DOCK1: variants seen among roughly 807,000 people sequenced by gnomAD.
DOCK1 encodes the protein dedicator of cytokinesis 1.
Under a neutral mutation model 262.7 loss-of-function variants are expected in DOCK1, and 138 were observed. The observed-to-expected ratio is 0.53, with a 90% CI of 0.46 to 0.61. The LOEUF (loss-of-function observed/expected upper bound fraction) is 0.61. Among genes scored for constraint, DOCK1 ranks in the 20% least tolerant of loss-of-function variants. The pLI is 0.00. For missense variants in DOCK1, 1,908 were observed against 2,370.7 expected, an observed-to-expected ratio of 0.80 and a Z score of 4.05; for synonymous variants, 866 against 867.4, an observed-to-expected ratio of 1.00 and a Z score of 0.03.
chr10:127,052,945 A>G, intron 22 of DOCK1, 130 bp downstream of exon 22: 1 of 1,377,404 alleles, frequency 7.3e-7, no homozygotes, highest in Non-Finnish European at 9.7e-7. Context: ...CTTGCTTTCT[A>G]GGCTGAGAGA....
rs2062532568 is a variant in DOCK1 at position 127,321,612 on chromosome 10, G to T, written c.3045-17394G>T. On this transcript the variant is annotated intron_variant, in intron 29 of 51. Transcript: ENST00000623213. ...CACAGGTCCCTCCTATCCCCAAGGA[G>T]GTGCTCTGAACCCACTCCCCATGGC... is the stretch of plus-strand genomic sequence containing the variant. Among the ~76,000 whole-genome samples, 4 of 151,772 alleles carry T rather than the reference G, an allele frequency of 2.6e-5. 1 individual carries two copies. The South Asian group carries it at 8.3e-4, about 32-fold the overall frequency.
intron 40 of DOCK1, among the ~76,000 whole-genome samples, chr10:127,408,350 G>A (rs188360440): frequency 1.3e-4 from 20 of 152,308 alleles, no homozygotes; most frequent in African/African-American, 4.8e-4. Context: ...ATCTTGACAT[G>A]TGTTGATGAA....
At chr10:127,067,196 G>A (rs12763630) in intron 23 of DOCK1, among the ~76,000 whole-genome samples, 27,049 of 152,220 alleles carry the variant, frequency 0.18, 2,575 homozygotes, top group South Asian at 0.32. Context: ...GCTTGTGGGA[G>A]GAGACCTTGG....
chr10:127,133,400 T>C (rs2050441181), intron 27 of DOCK1, among the ~76,000 whole-genome samples: 1 of 152,264 alleles, frequency 6.6e-6, no homozygotes, highest in Non-Finnish European at 1.5e-5. Context: ...GTGTTTCAAA[T>C]GGACAGTGTC....
chr10:126,948,866 G>T (rs950543931), intron 1 of DOCK1, among the ~76,000 whole-genome samples: 2 of 152,098 alleles, frequency 1.3e-5, no homozygotes, highest in African/African-American at 2.4e-5. Flanking sequence ...GGGGATATGT[G>T]TGCTGGGCCT....
chr10:127,211,661 A>G (rs2057980517), intron 27 of DOCK1, among the ~76,000 whole-genome samples: 1 of 152,226 alleles, frequency 6.6e-6, no homozygotes, highest in African/African-American at 2.4e-5. Flanking sequence ...TTGGCCAAAT[A>G]AGAAAAATTC....
chr10:127,241,828 T>C (rs1475400118), intron 27 of DOCK1, among the ~76,000 whole-genome samples: 1 of 152,130 alleles, frequency 6.6e-6, no homozygotes, highest in Non-Finnish European at 1.5e-5. Flanking sequence ...ACCTCCCTTG[T>C]CCAGAGAGTA....
chr10:127,263,887 G>A (rs1434793050), intron 29 of DOCK1, among the ~76,000 whole-genome samples: 1 of 152,160 alleles, frequency 6.6e-6, no homozygotes, highest in Non-Finnish European at 1.5e-5. Context: ...TAGGGTGCTT[G>A]AGTTTATGTA....
At position 127,362,011 on chromosome 10, in the gene DOCK1, T is replaced by A. The variant is rs564015497; in HGVS notation, c.3284-53T>A. 42 of 1,517,672 alleles carry A rather than the reference T, an allele frequency of 2.8e-5. No individual in the cohort carries two copies. In the African/African-American group the frequency reaches 4.9e-4, roughly 18 times the overall value. 94.0% of individuals were successfully genotyped at this position (1,517,672 alleles called of 1,614,324 possible). A position where few individuals can be genotyped will look rare whatever the true frequency, so the allele number is the denominator to read the frequency against. ...GTGTTGTTTTATCCATTTAAGCCCA[T>A]TTTAGAATTCTATTTTTCTTTATTT... On this transcript the variant is annotated intron_variant, in intron 32 of 51. Coordinates refer to ENST00000623213, the MANE Select transcript of DOCK1 (RefSeq NM_001290223.2).
intron 51 of DOCK1, among the ~76,000 whole-genome samples, chr10:127,449,294 TCA>T (rs2070801087): frequency 6.6e-6 from 1 of 152,224 alleles, no homozygotes; most frequent in Non-Finnish European, 1.5e-5. Flanking sequence ...CGTTAATTGG[TCA>T]CATTCTCTTC....
intron 27 of DOCK1, among the ~76,000 whole-genome samples, chr10:127,198,023 C>G (rs2057293604): frequency 6.6e-6 from 1 of 152,200 alleles, no homozygotes; most frequent in Non-Finnish European, 1.5e-5. Context: ...GATCCAAACT[C>G]TGCCCACCTC....
rs1348048736 is a variant in DOCK1, at chr10:127,175,603, C to A, written c.2847+47839C>A. 6.2e-7 allele frequency: 1 copy of A among 1,612,492 alleles called. No individual in the cohort carries two copies. The highest frequency in any genetic ancestry group is 8.5e-7 in the Non-Finnish European group (1 of 1,179,896). On this transcript the variant is annotated intron_variant, in intron 27 of 51. Coordinates refer to ENST00000623213, the MANE Select transcript of DOCK1 (RefSeq NM_001290223.2). The surrounding 1 kb of genome is among the most constrained non-coding windows in gnomAD (Gnocchi z 6.3). The stretch of plus-strand genomic sequence containing the variant: ...GAGTCTGACAAACCAGGCTCGGGGG[C>A]CCTGGCACTGAGGGCAGGTGCGTAA...
intron 48 of DOCK1, among the ~76,000 whole-genome samples, chr10:127,438,535 G>A (rs1030848349): frequency 3.9e-5 from 6 of 152,134 alleles, no homozygotes; most frequent in African/African-American, 1.2e-4. Context: ...GCTGGCCCTG[G>A]CTTGCTTCTG....
intron 27 of DOCK1, among the ~76,000 whole-genome samples, chr10:127,141,098 C>T (rs1186079070): frequency 6.6e-6 from 1 of 152,208 alleles, no homozygotes; most frequent in Non-Finnish European, 1.5e-5. Context: ...CCTTTCTGGG[C>T]TCATGGCATG....
At position 127,357,716 on chromosome 10, in the gene DOCK1, T is replaced by C. The variant is rs564632719; in HGVS notation, c.3283+2989T>C. On this transcript the variant is annotated intron_variant, in intron 32 of 51. Transcript: ENST00000623213. ...ACCAAAGCCAATTAGGGTCAGGGAC[T>C]TGGAAACAACAAGAAGTAACAGTCA... is the stretch of plus-strand genomic sequence containing the variant. 7.2e-5 allele frequency among the ~76,000 whole-genome samples: 11 copies of C among 152,296 alleles called. No homozygotes were observed. In the South Asian group the frequency reaches 1.9e-3, roughly 26 times the overall value.
chr10:127,281,484 G>A (rs933268541), intron 29 of DOCK1, among the ~76,000 whole-genome samples: 1 of 152,190 alleles, frequency 6.6e-6, no homozygotes, highest in Non-Finnish European at 1.5e-5. Flanking sequence ...TTTCACTCCA[G>A]GAGGCATCAG....
chr10:127,433,845 T>A (rs2069472628), intron 48 of DOCK1, among the ~76,000 whole-genome samples: 1 of 152,088 alleles, frequency 6.6e-6, no homozygotes, highest in South Asian at 2.1e-4. Context: ...TCTTTTTTTT[T>A]TTTTAATAGC....
intron 28 of DOCK1, among the ~76,000 whole-genome samples, chr10:127,249,667 A>G (rs1195747312): frequency 1.3e-5 from 2 of 152,208 alleles, no homozygotes; most frequent in African/African-American, 2.4e-5. Flanking sequence ...TTGTAATACA[A>G]TGGCTATGAT....
At position 127,264,351 on chromosome 10, in the gene DOCK1, T is replaced by C. The variant is rs1308557779; in HGVS notation, c.3044+6922T>C. The stretch of plus-strand genomic sequence containing the variant: ...TTCCAGGCATTCCTCTCTGTTGGCA[T>C]AGGTTTTGTGTTTGAGACTTCCTGT... On this transcript the variant is annotated intron_variant, in intron 29 of 51. Transcript: ENST00000623213. Among the ~76,000 whole-genome samples the C allele has an allele frequency of 5.3e-5, 8 of 152,342 alleles. No homozygotes were observed. The East Asian group carries it at 1.2e-3, about 22-fold the overall frequency.
Sources: allele counts gnomAD v4.1 joint callset (sites outside exome capture counted in the v4.1 genomes callset), GRCh38; gene constraint gnomAD v4.1.1; non-coding constraint Gnocchi (gnomAD v3.1); transcripts MANE v1.5; gene names NCBI Gene and HGNC (gene_info 2026-07-23, HGNC 2026-07-21).